The following CPNE4 variants were observed in gnomAD, a reference collection of about 807,000 sequenced individuals.
CPNE4 encodes the protein copine-4.
Under a neutral mutation model 67.9 loss-of-function variants are expected in CPNE4, and 25 were observed. That is an observed-to-expected ratio of 0.37 (90% confidence interval 0.27 to 0.51). The LOEUF is 0.51. Ranked by LOEUF, CPNE4 falls within the 20% of genes least tolerant of loss-of-function variation. The probability of loss-of-function intolerance (pLI) is 0.93; values close to 1 mark genes in which losing one functional copy is unlikely to be tolerated. For synonymous variants in CPNE4, 242 were observed against 244.9 expected (o/e 0.99, Z 0.11); for missense variants, 464 against 690.8 (o/e 0.67, Z 3.68).
At chr3:131,615,923 A>ACT (rs1940123382) in intron 7 of CPNE4, among the ~76,000 whole-genome samples, 1 of 89,408 alleles carries the variant, frequency 1.1e-5, no homozygotes, top group Admixed American at 9.3e-5. Flanking sequence ...ACACACACAC[A>ACT]CACACGCACA....
intron 7 of CPNE4, among the ~76,000 whole-genome samples, chr3:131,633,092 G>T (rs2079275240): frequency 6.6e-6 from 1 of 152,086 alleles, no homozygotes; most frequent in Non-Finnish European, 1.5e-5. Flanking sequence ...CCTTCCAGTT[G>T]CTCAGGCTAA....
At chr3:131,622,851 T>C (rs1178312864) in intron 7 of CPNE4, among the ~76,000 whole-genome samples, 4 of 152,200 alleles carry the variant, frequency 2.6e-5, no homozygotes, top group Non-Finnish European at 5.9e-5. Flanking sequence ...CACAGGAGTT[T>C]GCCGCTGTCC....
intron 1 of CPNE4, among the ~76,000 whole-genome samples, chr3:131,916,903 A>G (rs1457459793): frequency 6.6e-6 from 1 of 152,192 alleles, no homozygotes; most frequent in Non-Finnish European, 1.5e-5. Context: ...TCATGAAAAC[A>G]GGACTCTTTT....
chr3:131,637,269 C>T (rs1211291360), intron 7 of CPNE4, among the ~76,000 whole-genome samples: 1 of 151,782 alleles, frequency 6.6e-6, no homozygotes, highest in African/African-American at 2.4e-5. Context: ...AAGGTAAAGT[C>T]GAACTTAAAG....
chr3:131,954,040 AAGAC>A (rs1313069783), intron 1 of CPNE4, among the ~76,000 whole-genome samples: 2 of 152,196 alleles, frequency 1.3e-5, no homozygotes, highest in African/African-American at 4.8e-5. Flanking sequence ...ATAAATAAGA[AAGAC>A]AGCAGCTAAC....
intron 1 of CPNE4, among the ~76,000 whole-genome samples, chr3:131,980,289 T>C (rs2072873258): frequency 6.6e-6 from 1 of 152,178 alleles, no homozygotes; most frequent in African/African-American, 2.4e-5. Flanking sequence ...CCAAATATGT[T>C]TTCCAAGCTT....
intron 2 of CPNE4, among the ~76,000 whole-genome samples, chr3:131,893,473 G>A (rs921354450): frequency 6.6e-6 from 1 of 151,890 alleles, no homozygotes; most frequent in Non-Finnish European, 1.5e-5. Context: ...TAGACCAAAT[G>A]GACCTAACAG....
chr3:131,848,368 T>C (rs1479841671), intron 2 of CPNE4, among the ~76,000 whole-genome samples: 3 of 152,160 alleles, frequency 2.0e-5, no homozygotes, highest in Non-Finnish European at 4.4e-5. Flanking sequence ...TCATCTTTTC[T>C]CCCTACTTTA....
At chr3:131,906,422 A>T (rs1414268977) in intron 1 of CPNE4, among the ~76,000 whole-genome samples, 1 of 99,660 alleles carries the variant, frequency 1.0e-5, no homozygotes, top group Non-Finnish European at 1.9e-5. Context: ...ACCCCACAAC[A>T]GTCCCCAGAG....
intron 2 of CPNE4, among the ~76,000 whole-genome samples, chr3:131,748,462 A>C (rs2082546693): frequency 6.6e-6 from 1 of 151,978 alleles, no homozygotes; most frequent in African/African-American, 2.4e-5. Flanking sequence ...TTATAAAATA[A>C]ATTTAGAAGT....
chr3:131,917,370 A>G lies in CPNE4; in HGVS notation c.-1-11926T>C, dbSNP rs530856996. Among the ~76,000 whole-genome samples the G allele has an allele frequency of 2.8e-4, 43 of 152,272 alleles. 1 individual carries two copies. In the South Asian group the frequency reaches 8.9e-3, roughly 32 times the overall value. On this transcript the variant is annotated intron_variant, in intron 1 of 15. Transcript: ENST00000429747. ...GAGCCGAGTGTTTTTGAAGTTGAAG[A>G]GAGGGATGTTTGAAAGGGAGGACAT...
intron 1 of CPNE4, among the ~76,000 whole-genome samples, chr3:131,980,571 T>G (rs533363230): frequency 6.6e-6 from 1 of 152,320 alleles, no homozygotes; most frequent in South Asian, 2.1e-4. Flanking sequence ...TTAACCTATC[T>G]ATTTCATTGA....
chr3:131,913,794 T>G (rs1423146201), intron 1 of CPNE4, among the ~76,000 whole-genome samples: 1 of 152,228 alleles, frequency 6.6e-6, no homozygotes, highest in African/African-American at 2.4e-5. Context: ...ACTTGTTGTG[T>G]GACCTTGAGT....
At chr3:131,782,641 A>C (rs1194334151) in intron 2 of CPNE4, among the ~76,000 whole-genome samples, 1 of 152,132 alleles carries the variant, frequency 6.6e-6, no homozygotes, top group African/African-American at 2.4e-5. Flanking sequence ...TGGTGAAAAA[A>C]TGGCAACAGA....
intron 7 of CPNE4, among the ~76,000 whole-genome samples, chr3:131,615,973 C>T (rs2107750228): frequency 6.6e-6 from 1 of 150,778 alleles, no homozygotes; most frequent in African/African-American, 2.5e-5. Context: ...GCTACTCCAC[C>T]CCCGCCACAG....
chr3:131,743,975 A>AAAC (rs1313231964), intron 2 of CPNE4, among the ~76,000 whole-genome samples: 4 of 148,770 alleles, frequency 2.7e-5, no homozygotes, highest in Admixed American at 1.3e-4. Flanking sequence ...AAAAAAAAAA[A>AAAC]AAAAAAAAAC....
chr3:131,794,312 A>G (rs2083861216), intron 2 of CPNE4, among the ~76,000 whole-genome samples: 1 of 150,436 alleles, frequency 6.6e-6, no homozygotes, highest in African/African-American at 2.5e-5. Context: ...ATCTCAGCTC[A>G]CTGCAACCTG....
Position 131,983,590 on chromosome 3 carries a change from T to C in CPNE4, c.-2+50977A>G, listed in dbSNP as rs139546282. 7.9e-5 allele frequency among the ~76,000 whole-genome samples: 12 copies of C among 152,310 alleles called. No individual in the cohort carries two copies. In the East Asian group the frequency reaches 2.3e-3, roughly 29 times the overall value. On this transcript the variant is annotated intron_variant, in intron 1 of 15. Transcript: ENST00000429747. ...ACCAATACTTTGTATAAGGGTATAA[T>C]TTATAAAGTGGTAGGCACACTGTGG...
intron 1 of CPNE4, among the ~76,000 whole-genome samples, chr3:131,910,333 A>AT (rs1202364990): frequency 2.0e-5 from 3 of 152,114 alleles, no homozygotes; most frequent in African/African-American, 7.2e-5. Flanking sequence ...AAGCCTTCAG[A>AT]TATCACTGGC....
Sources: gnomAD v4.1 joint callset for allele counts (sites outside exome capture counted in the v4.1 genomes callset) on GRCh38, gnomAD v4.1.1 for gene constraint, MANE v1.5 for transcripts, NCBI Gene and HGNC (gene_info 2026-07-23, HGNC 2026-07-21) for gene names.